CDH13: variants seen among roughly 807,000 people sequenced by gnomAD.
CDH13 encodes cadherin 13.
CDH13 carries 24 observed loss-of-function variants against 63.8 expected under a neutral mutation model. The observed-to-expected ratio is 0.38, with a 90% confidence interval of 0.27 to 0.53. The LOEUF is 0.53. CDH13 is among the 20% of genes least tolerant of loss of function. CDH13 has a pLI of 0.85. For synonymous variants in CDH13, 503 were observed against 355.3 expected, an observed-to-expected ratio of 1.42 and a Z score of -4.67; for missense variants, 1,049 against 903.1, an observed-to-expected ratio of 1.16 and a Z score of -2.07.
At chr16:83,356,730 G>A (rs78862640) in intron 6 of CDH13, among the ~76,000 whole-genome samples, 13,137 of 152,050 alleles carry the variant, frequency 0.086, 791 homozygotes, top group Non-Finnish European at 0.13. Context: ...AAGTTCAATG[G>A]GAAGAGGGTA....
At chr16:83,154,400 C>T (rs1435707372) in intron 4 of CDH13, among the ~76,000 whole-genome samples, 2 of 151,632 alleles carry the variant, frequency 1.3e-5, no homozygotes, top group Non-Finnish European at 2.9e-5. Flanking sequence ...ACTAAAAATA[C>T]AAAAAAATAA....
intron 1 of CDH13, among the ~76,000 whole-genome samples, chr16:82,846,243 G>T (rs1183598067): frequency 6.6e-6 from 1 of 152,050 alleles, no homozygotes; most frequent in Non-Finnish European, 1.5e-5. Flanking sequence ...CTGTGACATG[G>T]TCCCAGTCCT....
At chr16:83,368,504 A>T (rs1017220006) in intron 6 of CDH13, among the ~76,000 whole-genome samples, 4 of 152,096 alleles carry the variant, frequency 2.6e-5, no homozygotes, top group Non-Finnish European at 5.9e-5. Flanking sequence ...TTTAAAAATT[A>T]ACTCATTTTC....
chr16:82,934,716 C>G (rs376206207), intron 2 of CDH13, among the ~76,000 whole-genome samples: 1 of 152,210 alleles, frequency 6.6e-6, no homozygotes, highest in African/African-American at 2.4e-5. Context: ...TTAAGTTCCA[C>G]AGATCTCTAG....
At chr16:82,691,817 C>T (rs1915674239) in intron 1 of CDH13, among the ~76,000 whole-genome samples, 1 of 152,068 alleles carries the variant, frequency 6.6e-6, no homozygotes, top group Admixed American at 6.6e-5. Flanking sequence ...AAATTGGGAT[C>T]TCGATGATGC....
chr16:83,228,687 C>A (rs539226141), intron 5 of CDH13, among the ~76,000 whole-genome samples: 1 of 152,108 alleles, frequency 6.6e-6, no homozygotes, highest in Admixed American at 6.5e-5. Flanking sequence ...CAGCGGAGTG[C>A]GTGCAGTTTA....
chr16:83,468,323 G>A (rs1401921664), intron 6 of CDH13, among the ~76,000 whole-genome samples: 1 of 152,158 alleles, frequency 6.6e-6, no homozygotes, highest in East Asian at 1.9e-4. Context: ...AGGGCAGAGA[G>A]AGATGTGGCC....
rs74514788 is a variant in CDH13, at chr16:83,376,472, C to G, written c.781+31466C>G. Among the ~76,000 whole-genome samples the G allele has an allele frequency of 2.1e-3, 318 of 152,182 alleles. 4 individuals carry two copies. The highest frequency in any genetic ancestry group is 9.0e-4 in the Non-Finnish European group (61 of 68,012). On this transcript the variant is annotated intron_variant, in intron 6 of 13. Transcript: ENST00000567109. ...ACGCAGGACAGAAATAAATAGATAG[C>G]TAGTATGCAAAGATGTCAAAGTGAC...
At chr16:83,702,207 T>G (rs970464294) in intron 10 of CDH13, among the ~76,000 whole-genome samples, 1 of 152,222 alleles carries the variant, frequency 6.6e-6, no homozygotes, top group African/African-American at 2.4e-5. Flanking sequence ...TGGTACTCAC[T>G]TGGCATAGCT....
At chr16:83,150,734 A>G (rs75685138) in intron 4 of CDH13, among the ~76,000 whole-genome samples, 2,470 of 152,296 alleles carry the variant, frequency 0.016, 33 homozygotes, top group South Asian at 0.03. Context: ...AAAAGTTCCC[A>G]TTTCTGTAAG....
At chr16:83,041,059 G>C (rs574788575) in intron 3 of CDH13, among the ~76,000 whole-genome samples, 1 of 152,160 alleles carries the variant, frequency 6.6e-6, no homozygotes, top group African/African-American at 2.4e-5. Context: ...ATTTCTACAG[G>C]TCCACTTAAC....
chr16:83,291,404 A>C (rs1477948586), intron 5 of CDH13, among the ~76,000 whole-genome samples: 4 of 152,046 alleles, frequency 2.6e-5, no homozygotes, highest in Non-Finnish European at 4.4e-5. Flanking sequence ...GCTTCTAGAT[A>C]CCTGAGGTTT....
At chr16:82,848,644 G>A (rs996089925) in intron 1 of CDH13, among the ~76,000 whole-genome samples, 2 of 151,492 alleles carry the variant, frequency 1.3e-5, no homozygotes, top group East Asian at 1.9e-4. Context: ...TGATAAGTGC[G>A]TGTTCTGACT....
chr16:82,649,611 A>T (rs1367518222), intron 1 of CDH13, among the ~76,000 whole-genome samples: 1 of 152,178 alleles, frequency 6.6e-6, no homozygotes, highest in African/African-American at 2.4e-5. Flanking sequence ...TAGTCAGAGC[A>T]TGGCATGTAT....
chr16:82,931,111 T>C (rs1416478123), intron 2 of CDH13, among the ~76,000 whole-genome samples: 1 of 152,218 alleles, frequency 6.6e-6, no homozygotes, highest in Non-Finnish European at 1.5e-5. Context: ...AAAGAGATGC[T>C]GTGATTAGGT....
chr16:82,655,712 C>T (rs948039552), intron 1 of CDH13, among the ~76,000 whole-genome samples: 6 of 152,168 alleles, frequency 3.9e-5, no homozygotes, highest in African/African-American at 1.4e-4. Context: ...TTCTTGTTTA[C>T]ATTTGTTAAT....
chr16:83,715,519 G>T (rs541224205), intron 10 of CDH13, among the ~76,000 whole-genome samples: 1 of 152,200 alleles, frequency 6.6e-6, no homozygotes, highest in Non-Finnish European at 1.5e-5. Flanking sequence ...CAGCAGCAGC[G>T]TTAGTAAAAT....
At chr16:83,207,747 A>G (rs565662827) in intron 4 of CDH13, among the ~76,000 whole-genome samples, 2 of 150,148 alleles carry the variant, frequency 1.3e-5, no homozygotes, top group South Asian at 2.1e-4. Context: ...CTTAGAAATT[A>G]ACAAATACTC....
At chr16:83,523,322 C>G (rs1056892552) in intron 7 of CDH13, among the ~76,000 whole-genome samples, 4 of 152,212 alleles carry the variant, frequency 2.6e-5, no homozygotes, top group African/African-American at 9.7e-5. Context: ...TGGAAGAAAG[C>G]AAGGTTGTCT....
Sources: allele counts gnomAD v4.1 joint callset (sites outside exome capture counted in the v4.1 genomes callset), GRCh38; gene constraint gnomAD v4.1.1; transcripts MANE v1.5; gene names NCBI Gene and HGNC (gene_info 2026-07-23, HGNC 2026-07-21).